CTDP1: variants seen among roughly 807,000 people sequenced by gnomAD.
CTDP1 encodes the protein CTD phosphatase 1, also known as RNA polymerase II subunit A C-terminal domain phosphatase.
In CTDP1, 47 loss-of-function variants were observed where a neutral mutation model predicts 91.8. The ratio of observed to expected loss-of-function variants is 0.51; its 90% confidence interval spans 0.41 to 0.65. The LOEUF (loss-of-function observed/expected upper bound fraction) is 0.65, where lower values mean the gene tolerates loss of function less well. CTDP1 is among the 30% of genes least tolerant of loss of function. CTDP1 has a pLI of 0.00. For synonymous variants in CTDP1, 656 were observed against 598.5 expected (o/e 1.10, Z -1.40); for missense variants, 1,272 against 1,373.7 (o/e 0.93, Z 1.17).
At position 79,695,205 on chromosome 18, in the gene CTDP1, C is replaced by A; in HGVS notation, c.315-20C>A. On this transcript the variant is annotated intron_variant, in intron 1 of 12. Coordinates refer to ENST00000613122, the MANE Select transcript of CTDP1 (RefSeq NM_004715.5). Reference sequence around the variant, plus strand: ...AACCAAGAGATTTTAAAGTGTTGTTCCCCTTGTGTTTTTTTGTAGAGCGGT... The same window carrying A: ...AACCAAGAGATTTTAAAGTGTTGTTACCCTTGTGTTTTTTTGTAGAGCGGT... 6.2e-7 allele frequency: 1 copy of A among 1,610,302 alleles called. No homozygotes were observed. Among genetic ancestry groups the A allele is most frequent in the South Asian group, 1.1e-5 (1 of 91,002 alleles).
chr18:79,683,632 C>T (rs927016067), intron 1 of CTDP1, among the ~76,000 whole-genome samples: 2 of 152,222 alleles, frequency 1.3e-5, no homozygotes, highest in African/African-American at 4.8e-5. Context: ...CTGAGGAATG[C>T]GCAGGCGATC....
At chr18:79,744,076 G>A (rs140689173) in intron 12 of CTDP1, among the ~76,000 whole-genome samples, 2 of 152,306 alleles carry the variant, frequency 1.3e-5, no homozygotes, top group African/African-American at 2.4e-5. Flanking sequence ...TGGAGAGGCT[G>A]ATCAGAAACT....
At chr18:79,691,003 G>A (rs1339812456) in intron 1 of CTDP1, among the ~76,000 whole-genome samples, 1 of 152,200 alleles carries the variant, frequency 6.6e-6, no homozygotes, top group Non-Finnish European at 1.5e-5. Context: ...GTCAGGAGCC[G>A]GCCTTGTCTC....
intron 4 of CTDP1, 129 bp downstream of exon 4, chr18:79,698,117 G>C (rs2085784817): frequency 7.3e-7 from 1 of 1,372,668 alleles, no homozygotes; most frequent in South Asian, 1.2e-5. Context: ...AAGCAGACTT[G>C]CTAGTTCTGG....
In CTDP1 at chr18:79,716,355, C is replaced by T. The variant is rs577499947; in HGVS notation, c.2068+827C>T. ...CTTATTTGAGGCCACGGCTCTGGCA[C>T]GTATCATGGGGCGTTGGACACGCAT... On this transcript the variant is annotated intron_variant, in intron 8 of 12. Transcript: ENST00000613122. Among the ~76,000 whole-genome samples, 496 of 152,328 alleles carry T rather than the reference C, an allele frequency of 3.3e-3. 3 individuals carry two copies. Among genetic ancestry groups the T allele is most frequent in the Middle Eastern group, 6.8e-3 (2 of 294 alleles).
chr18:79,706,542 G>T (rs758108167), intron 5 of CTDP1, among the ~76,000 whole-genome samples: 3 of 151,986 alleles, frequency 2.0e-5, no homozygotes, highest in Non-Finnish European at 4.4e-5. Context: ...ATCCATGGCT[G>T]TCCCCTATTC....
At chr18:79,721,156 C>G (rs1168013597) in intron 10 of CTDP1, among the ~76,000 whole-genome samples, 1 of 152,160 alleles carries the variant, frequency 6.6e-6, no homozygotes, top group African/African-American at 2.4e-5. Context: ...CCGCTCAGGC[C>G]CAGCCCACAG....
intron 6 of CTDP1, among the ~76,000 whole-genome samples, chr18:79,711,734 A>G (rs1462703354): frequency 6.6e-6 from 1 of 152,266 alleles, no homozygotes; most frequent in Admixed American, 6.5e-5. Flanking sequence ...CTTCCTTTCC[A>G]TCAGCTCCAG....
intron 12 of CTDP1, among the ~76,000 whole-genome samples, chr18:79,742,674 A>G (rs589602): frequency 0.9 from 136,507 of 152,318 alleles, 62,906 homozygotes; most frequent in East Asian, 1. Flanking sequence ...CTATGCCTGG[A>G]CATGTGGTGG....
At position 79,714,570 on chromosome 18, in the gene CTDP1, A is replaced by T; in HGVS notation, c.1110A>T (p.Gly370=). The change falls in exon 8 of 13, where the codon GGA becomes GGT. Residue 370 remains glycine (G), a synonymous_variant. Coordinates refer to ENST00000613122, the MANE Select transcript of CTDP1 (RefSeq NM_004715.5). ...RDPEGVTQAP[G]VEPSNGLEKP... ...CTGAGGGGGTAACGCAGGCCCCTGGAGTGGAGCCCAGCAATGGCCTGGAGA... is the reference window on the plus strand; with the variant it reads ...CTGAGGGGGTAACGCAGGCCCCTGGTGTGGAGCCCAGCAATGGCCTGGAGA... The T allele has an allele frequency of 6.2e-7, 1 of 1,613,048 alleles. No homozygotes were observed. Among genetic ancestry groups the T allele is most frequent in the Non-Finnish European group, 8.5e-7 (1 of 1,180,008 alleles).
rs776796987 is a variant in CTDP1, at chr18:79,717,958, C to T, written c.2359C>T (p.Arg787Trp). 1.3e-4 allele frequency: 207 copies of T among 1,613,360 alleles called. No individual in the cohort carries two copies. The highest frequency in any genetic ancestry group is 1.7e-4 in the Non-Finnish European group (199 of 1,179,986). ...GGGGAAGCTCATCAGGACGGGCGCC[C>T]GGGGGCCCCCAGCACCCTCCAGCTC... The part of the protein sequence containing the change: ...NTGKLIRTGA[R>W]GPPAPSSSLP... Residue 787 changes from arginine to tryptophan, a missense_variant, in exon 10 of 13, where the codon CGG becomes TGG. Transcript: ENST00000613122.
At chr18:79,696,576 G>A (rs909950040) in intron 3 of CTDP1, among the ~76,000 whole-genome samples, 9 of 152,172 alleles carry the variant, frequency 5.9e-5, no homozygotes, top group African/African-American at 2.2e-4. Flanking sequence ...AGCGGCTGCT[G>A]CTGGCACCAT....
rs143386695 is a variant in CTDP1, at chr18:79,714,502, C to T, written c.1042C>T (p.Arg348Ter). 12 of 1,613,000 alleles carry T rather than the reference C, an allele frequency of 7.4e-6. No homozygotes were observed. Among genetic ancestry groups the T allele is most frequent in the Non-Finnish European group, 1.0e-5 (12 of 1,180,018 alleles). Residue 348 changes from arginine to a stop codon, truncating the protein, a stop_gained, in exon 8 of 13, where the codon CGA becomes TGA. Coordinates refer to ENST00000613122, the MANE Select transcript of CTDP1 (RefSeq NM_004715.5). LOFTEE classifies it high-confidence loss of function. The part of the protein sequence containing the change: ...SQTRKKVNHS[R>*]GTEVSEPSPP... ...GCATGCATATTTAGTAAATCATTCTCGAGGCACTGAGGTCTCAGAGCCATC... is the reference window on the plus strand; with the variant it reads ...GCATGCATATTTAGTAAATCATTCTTGAGGCACTGAGGTCTCAGAGCCATC...
intron 1 of CTDP1, among the ~76,000 whole-genome samples, chr18:79,687,558 C>T (rs1044954648): frequency 6.8e-6 from 1 of 147,290 alleles, no homozygotes; most frequent in Non-Finnish European, 1.5e-5. Flanking sequence ...GCCTGCACCG[C>T]AGCAGTTGGC....
At chr18:79,718,337 C>G (rs2086265131) in intron 10 of CTDP1, among the ~76,000 whole-genome samples, 1 of 152,212 alleles carries the variant, frequency 6.6e-6, no homozygotes, top group Non-Finnish European at 1.5e-5. Flanking sequence ...AGAGAACGAG[C>G]AGAGCCGGGC....
rs560369559 is a variant in CTDP1 at position 79,746,890 on chromosome 18, A to C, written c.2748-6762A>C. On this transcript the variant is annotated intron_variant, in intron 12 of 12. Coordinates refer to ENST00000613122, the MANE Select transcript of CTDP1 (RefSeq NM_004715.5). ...AGCGATCCTCCCGCCTCAGCCTCCC[A>C]AAGTGCTGGACCTACAGGTGTGAAC... Among the ~76,000 whole-genome samples the C allele has an allele frequency of 2.7e-3, 409 of 152,270 alleles. 3 individuals carry two copies. Among genetic ancestry groups the C allele is most frequent in the African/African-American group, 9.3e-3 (387 of 41,546 alleles).
chr18:79,695,917 A>C (rs1568179614), intron 2 of CTDP1, 60 bp from the exon 3 acceptor site: 2 of 1,318,640 alleles, frequency 1.5e-6, no homozygotes, highest in Non-Finnish European at 2.2e-6. Flanking sequence ...CTTAGAGCCC[A>C]GTGTGCATCT....
Position 79,680,128 on chromosome 18 carries a change from T to TCTCAGTCCCGTGTAG in CTDP1, c.182_183insTCAGTCCCGTGTAGC (p.Ser61_Gly62insGlnSerArgValAla), listed in dbSNP as rs1568166353. ...CGAGGCCGCCGCCTCCGCGCAGTCC[T>TCTCAGTCCCGTGTAG]CCGGGGCCTCTCAGTCCCGTGTAGC... On this transcript the variant is annotated inframe_insertion, in exon 1 of 13. Transcript: ENST00000613122. 7.4e-5 allele frequency: 106 copies of TCTCAGTCCCGTGTAG among 1,425,104 alleles called. No homozygotes were observed. The highest frequency in any genetic ancestry group is 9.3e-5 in the Non-Finnish European group (101 of 1,090,958). The allele number at this position is 1,425,104 out of a possible 1,614,324, so 88.3% of individuals were successfully genotyped here.
intron 1 of CTDP1, among the ~76,000 whole-genome samples, chr18:79,682,891 G>A (rs1348995277): frequency 5.3e-5 from 8 of 152,256 alleles, no homozygotes; most frequent in African/African-American, 1.9e-4. Context: ...ATAGGTGTGA[G>A]TTTAGTTCTC....
Sources: gnomAD v4.1 joint callset for allele counts (sites outside exome capture counted in the v4.1 genomes callset) on GRCh38, gnomAD v4.1.1 for gene constraint, MANE v1.5 for transcripts, NCBI Gene and HGNC (gene_info 2026-07-23, HGNC 2026-07-21) for gene names.